The following LHPP variants were observed in gnomAD, a reference collection of about 807,000 sequenced individuals.
LHPP encodes the protein phospholysine phosphohistidine inorganic pyrophosphate phosphatase.
In LHPP, 24 loss-of-function variants were observed where a neutral mutation model predicts 30.3. The observed-to-expected ratio is 0.79, with a 90% CI of 0.57 to 1.11. The LOEUF (loss-of-function observed/expected upper bound fraction) is 1.11, where lower values mean the gene tolerates loss of function less well. LHPP is among the 50% of genes most tolerant of loss of function. The pLI, the probability that LHPP is intolerant of heterozygous loss-of-function variation, is 0.00. For missense variants in LHPP, 356 were observed against 367.2 expected, an observed-to-expected ratio of 0.97 and a Z score of 0.25; for synonymous variants, 150 against 157.1, an observed-to-expected ratio of 0.95 and a Z score of 0.34.
chr10:124,511,002 G>A (rs925676289), intron 5 of LHPP, among the ~76,000 whole-genome samples: 6 of 152,230 alleles, frequency 3.9e-5, no homozygotes, highest in African/African-American at 1.4e-4. Flanking sequence ...CCGGGAGCAC[G>A]CGGTGCCACT....
chr10:124,567,955 C>T (rs1266141210), intron 6 of LHPP, among the ~76,000 whole-genome samples: 1 of 152,206 alleles, frequency 6.6e-6, no homozygotes, highest in East Asian at 1.9e-4. Context: ...GCTCTGTCGC[C>T]AGGCTGGAGT....
rs1261208549 is a variant in LHPP at position 124,476,510 on chromosome 10, ACT to A, written c.126-7627_126-7626del. On this transcript the variant is annotated intron_variant, in intron 1 of 6. Coordinates refer to ENST00000368842, the MANE Select transcript of LHPP (RefSeq NM_022126.4). ...CACTGTTTATGGCTCGGGTTCCAAG[ACT>A]CCACCAGCCTGGTGCGCGCGCCAGG... Among the ~76,000 whole-genome samples the A allele has an allele frequency of 5.9e-5, 9 of 151,852 alleles. No individual in the cohort carries two copies. In the East Asian group the frequency reaches 1.8e-3, roughly 30 times the overall value.
chr10:124,530,805 C>T (rs1206963580), intron 6 of LHPP, among the ~76,000 whole-genome samples: 1 of 152,220 alleles, frequency 6.6e-6, no homozygotes, highest in Non-Finnish European at 1.5e-5. Flanking sequence ...GCATGGAGAA[C>T]ACCACAGCGC....
At chr10:124,482,234 G>A (rs1025237321) in intron 1 of LHPP, among the ~76,000 whole-genome samples, 5 of 152,166 alleles carry the variant, frequency 3.3e-5, no homozygotes, top group African/African-American at 9.7e-5. Context: ...CAGAACTTGA[G>A]CACATGCCTC....
chr10:124,556,755 T>A (rs1209148974), intron 6 of LHPP, among the ~76,000 whole-genome samples: 1 of 152,342 alleles, frequency 6.6e-6, no homozygotes, highest in African/African-American at 2.4e-5. Context: ...TCTTCTTTGA[T>A]TGATAATGAG....
intron 6 of LHPP, among the ~76,000 whole-genome samples, chr10:124,607,307 G>A (rs373438705): frequency 5.9e-5 from 9 of 152,292 alleles, no homozygotes; most frequent in African/African-American, 2.2e-4. Context: ...GGGGCTTTGG[G>A]GCCACCAGGC....
At chr10:124,556,207 G>A (rs905091765) in intron 6 of LHPP, among the ~76,000 whole-genome samples, 3 of 152,212 alleles carry the variant, frequency 2.0e-5, no homozygotes, top group Non-Finnish European at 4.4e-5. Context: ...GACCTCTGAT[G>A]CCGCTGGGTG....
intron 6 of LHPP, among the ~76,000 whole-genome samples, chr10:124,559,571 C>G (rs1344837232): frequency 2.6e-5 from 4 of 152,396 alleles, no homozygotes; most frequent in Non-Finnish European, 5.9e-5. Flanking sequence ...AGAGGTGAGG[C>G]TGGTGAGGCC....
intron 3 of LHPP, among the ~76,000 whole-genome samples, chr10:124,491,416 G>A (rs963286057): frequency 2.0e-5 from 3 of 152,178 alleles, no homozygotes; most frequent in Non-Finnish European, 2.9e-5. Flanking sequence ...TGTGTACCCC[G>A]TTTTGTGTAA....
Position 124,596,336 on chromosome 10 carries a change from CAG to C in LHPP, c.717-16925_717-16924del, listed in dbSNP as rs1024509607. 4.6e-5 allele frequency among the ~76,000 whole-genome samples: 7 copies of C among 152,266 alleles called. No homozygotes were observed. Among genetic ancestry groups the C allele is most frequent in the South Asian group, 4.2e-4 (2 of 4,812 alleles). On this transcript the variant is annotated intron_variant, in intron 6 of 6. Transcript: ENST00000368842. This position sits in a 1 kb window ranked among gnomAD's most constrained non-coding sequence, Gnocchi z 4.6. The stretch of plus-strand genomic sequence containing the variant: ...AGGAGACTCTTGCCAAACATTTCTC[CAG>C]AGTGTCTGATGTACCATGTTGCGCT...
At chr10:124,464,177 T>G (rs1238445785) in intron 1 of LHPP, among the ~76,000 whole-genome samples, 1 of 152,198 alleles carries the variant, frequency 6.6e-6, no homozygotes, top group African/African-American at 2.4e-5. Flanking sequence ...TAAGGCCTCC[T>G]GTTGGCATCC....
intron 6 of LHPP, among the ~76,000 whole-genome samples, chr10:124,591,209 T>C (rs1416173984): frequency 6.6e-6 from 1 of 152,158 alleles, no homozygotes; most frequent in Non-Finnish European, 1.5e-5. Flanking sequence ...TGTGTGTGGC[T>C]CCAGCCGGCA....
At chr10:124,524,289 T>G (rs1954679375) in intron 6 of LHPP, among the ~76,000 whole-genome samples, 1 of 150,184 alleles carries the variant, frequency 6.7e-6, no homozygotes, top group Admixed American at 6.6e-5. Flanking sequence ...TTTTTTTTTT[T>G]TTTTTGAGAC....
intron 6 of LHPP, among the ~76,000 whole-genome samples, chr10:124,542,310 C>T (rs1181892847): frequency 1.3e-5 from 2 of 152,198 alleles, no homozygotes; most frequent in Non-Finnish European, 2.9e-5. Flanking sequence ...TGAAGTTATC[C>T]AGCACTTATG....
At position 124,584,074 on chromosome 10, in the gene LHPP, G is replaced by A. The variant is rs536793210; in HGVS notation, c.717-29190G>A. On this transcript the variant is annotated intron_variant, in intron 6 of 6. Coordinates refer to ENST00000368842, the MANE Select transcript of LHPP (RefSeq NM_022126.4). The stretch of plus-strand genomic sequence containing the variant: ...TAAGTCAGCTGGGATTCTGAAGGGG[G>A]TTGTGTCACATCCGTAGCCCAATTT... Among the ~76,000 whole-genome samples, 7 of 152,254 alleles carry A rather than the reference G, an allele frequency of 4.6e-5. No homozygotes were observed. The South Asian group carries it at 1.5e-3, about 32-fold the overall frequency.
chr10:124,536,197 C>T (rs1464946194), intron 6 of LHPP, among the ~76,000 whole-genome samples: 3 of 152,264 alleles, frequency 2.0e-5, no homozygotes, highest in Non-Finnish European at 4.4e-5. Context: ...GGGCTTGGGC[C>T]TGCCTTTTGG....
chr10:124,474,304 C>A (rs1292833673), intron 1 of LHPP, among the ~76,000 whole-genome samples: 1 of 151,748 alleles, frequency 6.6e-6, no homozygotes, highest in East Asian at 1.9e-4. Context: ...TGCACCTGGC[C>A]AATTTTTGTA....
chr10:124,469,166 C>T (rs543571297), intron 1 of LHPP, among the ~76,000 whole-genome samples: 1 of 152,202 alleles, frequency 6.6e-6, no homozygotes, highest in Admixed American at 6.5e-5. Flanking sequence ...GTGAGACCAG[C>T]CGCCGCAGAG....
intron 1 of LHPP, among the ~76,000 whole-genome samples, chr10:124,481,391 T>TG (rs1554879617): frequency 2.5e-4 from 35 of 140,778 alleles, no homozygotes; most frequent in Non-Finnish European, 2.3e-4. Context: ...TTTTTTTTTT[T>TG]TTTGCGACAG....
Sources: gnomAD v4.1 joint callset for allele counts (sites outside exome capture counted in the v4.1 genomes callset) on GRCh38, gnomAD v4.1.1 for gene constraint, Gnocchi (gnomAD v3.1) non-coding constraint, MANE v1.5 for transcripts, NCBI Gene and HGNC (gene_info 2026-07-23, HGNC 2026-07-21) for gene names.